Variants in PRR33 observed in about 807,000 individuals in gnomAD.
PRR33 encodes proline rich 33.
Under a neutral mutation model 0.5 loss-of-function variants are expected in PRR33, and 1 was observed. That is an observed-to-expected ratio of 2.18 (90% CI 0.77 to 10.34). PRR33 has a LOEUF of 10.34. Among genes scored for constraint, PRR33 ranks in the 30% most tolerant of loss-of-function variants. PRR33 has a pLI of 0.13. For missense variants in PRR33, 552 were observed against 251.8 expected, an observed-to-expected ratio of 2.19 and a Z score of -8.07; for synonymous variants, 226 against 110.0, an observed-to-expected ratio of 2.06 and a Z score of -6.60.
At position 1,888,841 on chromosome 11, in the gene PRR33, T is replaced by C. The variant is rs550482264; in HGVS notation, c.*304A>G. On this transcript the variant is annotated 3_prime_UTR_variant, in exon 1 of 1. Coordinates refer to ENST00000640310, the Ensembl canonical transcript of PRR33. ...TCAGTAGATGCAGTCCTCTGCCATCTTACCTAAAGTTTTCATCCCAAGGCC... is the reference window on the plus strand; with the variant it reads ...TCAGTAGATGCAGTCCTCTGCCATCCTACCTAAAGTTTTCATCCCAAGGCC... 1.8e-5 allele frequency: 6 copies of C among 333,792 alleles called. No homozygotes were observed. The South Asian group carries it at 6.2e-4, about 35-fold the overall frequency. 20.7% of individuals were successfully genotyped at this position (333,792 alleles called of 1,614,324 possible). A position where few individuals can be genotyped will look rare whatever the true frequency, so the allele number is the denominator to read the frequency against.
At chr11:1,902,532 T>C in the PRR33 span, 3 of 152,152 alleles carry the variant, frequency 2.0e-5, no homozygotes, top group Non-Finnish European at 4.4e-5. Flanking sequence ...TTAAGCTTTT[T>C]CTTTGTCTTA....
chr11:1,907,340 T>C, the PRR33 span, among the ~76,000 whole-genome samples: 1 of 152,222 alleles, frequency 6.6e-6, no homozygotes, highest in Admixed American at 6.5e-5. Context: ...TTCCATCATG[T>C]TTCCACTGTT....
At chr11:1,887,988 C>T (rs1160308375), downstream of PRR33, among the ~76,000 whole-genome samples, 2 of 152,176 alleles carry the variant, frequency 1.3e-5, no homozygotes, top group Non-Finnish European at 2.9e-5. Flanking sequence ...GGGGCAGGAA[C>T]TTAGGTCCTA....
chr11:1,909,442 C>A, the PRR33 span, among the ~76,000 whole-genome samples: 1 of 152,140 alleles, frequency 6.6e-6, no homozygotes, highest in South Asian at 2.1e-4. Flanking sequence ...GAAACCCCAT[C>A]TCTACTAAAA....
chr11:1,892,579 G>A (rs1014757525), upstream of PRR33, among the ~76,000 whole-genome samples: 4 of 152,132 alleles, frequency 2.6e-5, no homozygotes, highest in Non-Finnish European at 4.4e-5. Flanking sequence ...GATCCACCTC[G>A]GGGCCTCCCC....
chr11:1,916,626 G>T, the PRR33 span, among the ~76,000 whole-genome samples: 1 of 152,150 alleles, frequency 6.6e-6, no homozygotes, highest in African/African-American at 2.4e-5. Context: ...GGGGCAGGGG[G>T]TAGTTGGGGT....
the PRR33 span, among the ~76,000 whole-genome samples, chr11:1,914,884 G>T: frequency 1.5e-5 from 2 of 130,896 alleles, no homozygotes; most frequent in East Asian, 2.7e-4. Flanking sequence ...TGTGTGTTGT[G>T]AGGTCACACA....
upstream of PRR33, among the ~76,000 whole-genome samples, chr11:1,895,321 TG>T (rs1849112519): frequency 6.6e-6 from 1 of 152,080 alleles, no homozygotes; most frequent in East Asian, 1.9e-4. Flanking sequence ...TTAGTAGAGG[TG>T]GGGTTTCACC....
chr11:1,914,580 CTCTG>C, the PRR33 span, among the ~76,000 whole-genome samples: 1 of 101,278 alleles, frequency 9.9e-6, no homozygotes, highest in East Asian at 2.9e-4. Context: ...GGGGATGTTG[CTCTG>C]TGTGTGTGTG....
At chr11:1,889,184 C>A in exon 1 of PRR33, 1 of 675,920 alleles carries the variant, frequency 1.5e-6, no homozygotes, top group Non-Finnish European at 2.7e-6. Flanking sequence ...GGTTGAAGTT[C>A]TTGGGCTGGG....
chr11:1,897,652 T>C, the PRR33 span, among the ~76,000 whole-genome samples: 1 of 152,194 alleles, frequency 6.6e-6, no homozygotes, highest in Non-Finnish European at 1.5e-5. This position sits in a 1 kb window ranked among gnomAD's most constrained non-coding sequence, Gnocchi z 4.0. Context: ...TAGTGGAAAG[T>C]GTAGCCAAGC....
chr11:1,890,117 C>T (rs760868187), exon 1 of PRR33: 9 of 716,876 alleles, frequency 1.3e-5, no homozygotes, highest in East Asian at 2.7e-5. Context: ...GTTCTGGGGC[C>T]GAGGCTACAA....
At chr11:1,903,448 A>G in the PRR33 span, among the ~76,000 whole-genome samples, 1 of 152,120 alleles carries the variant, frequency 6.6e-6, no homozygotes, top group Non-Finnish European at 1.5e-5. Context: ...GCCAGGCCTC[A>G]TTTGCCTTTT....
the PRR33 span, among the ~76,000 whole-genome samples, chr11:1,902,029 G>A: frequency 6.6e-6 from 1 of 151,988 alleles, no homozygotes; most frequent in Non-Finnish European, 1.5e-5. Flanking sequence ...TCAGGAGATC[G>A]AGACCATCCT....
At chr11:1,906,522 T>C in the PRR33 span, among the ~76,000 whole-genome samples, 2 of 152,208 alleles carry the variant, frequency 1.3e-5, no homozygotes, top group African/African-American at 2.4e-5. Flanking sequence ...TAGATACTTT[T>C]ATATTTCCAC....
the PRR33 span, among the ~76,000 whole-genome samples, chr11:1,901,613 G>C: frequency 6.6e-6 from 1 of 152,070 alleles, no homozygotes; most frequent in Non-Finnish European, 1.5e-5. Context: ...CTTCAAAAAA[G>C]ATAACTCTTA....
At chr11:1,895,453 A>G (rs1164384245), upstream of PRR33, among the ~76,000 whole-genome samples, 1 of 152,164 alleles carries the variant, frequency 6.6e-6, no homozygotes, top group Non-Finnish European at 1.5e-5. Flanking sequence ...TTCTGAATCA[A>G]TCCTTGATGA....
At chr11:1,908,052 C>T in the PRR33 span, 1 of 152,234 alleles carries the variant, frequency 6.6e-6, no homozygotes, top group African/African-American at 2.4e-5. Context: ...GGATTTTGTT[C>T]AACCCCCTCT....
chr11:1,900,626 T>C, the PRR33 span, among the ~76,000 whole-genome samples: 1,133 of 152,268 alleles, frequency 7.4e-3, 17 homozygotes, highest in African/African-American at 0.026. Context: ...CGTAAAATGG[T>C]CATGGTTAAA....
Sources: gnomAD v4.1 joint callset for allele counts (sites outside exome capture counted in the v4.1 genomes callset) on GRCh38, gnomAD v4.1.1 for gene constraint, Gnocchi (gnomAD v3.1) non-coding constraint, MANE v1.5 for transcripts, NCBI Gene and HGNC (gene_info 2026-07-23, HGNC 2026-07-21) for gene names.